CEP164: variants seen among roughly 807,000 people sequenced by gnomAD.
The protein encoded by CEP164 is centrosomal protein 164.
A neutral mutation model predicts 182.7 loss-of-function variants in CEP164; 162 were observed. The observed-to-expected ratio is 0.89, with a 90% CI of 0.78 to 1.01. CEP164 has a LOEUF of 1.01. Among genes scored for constraint, CEP164 ranks in the 50% least tolerant of loss-of-function variants. The pLI is 0.00. For synonymous variants in CEP164, 661 were observed against 690.0 expected (o/e 0.96, Z 0.66); for missense variants, 1,735 against 1,790.4 (o/e 0.97, Z 0.56).
rs199648719 is a variant in CEP164 at position 117,409,865 on chromosome 11, C to G, written c.3996C>G (p.Thr1332=). 6.2e-7 allele frequency: 1 copy of G among 1,613,860 alleles called. No homozygotes were observed. The highest frequency in any genetic ancestry group is 1.1e-5 in the South Asian group (1 of 91,038). Residue 1332 remains threonine, a synonymous_variant, in exon 30 of 33, where the codon ACC becomes ACG. Transcript: ENST00000278935. This position sits in a 1 kb window ranked among gnomAD's most constrained non-coding sequence, Gnocchi z 4.4. ...TATCATCTGCTACACCCACGTCCAC[C>G]CAATGGGCCTGGGATTCAGGGCAGG... ...SALSSATPTS[T]QWAWDSGQGP... is the part of the protein sequence containing the mutation.
Position 117,382,597 on chromosome 11 carries a change from G to A in CEP164, c.1578-199G>A, listed in dbSNP as rs1009634031. The A allele has an allele frequency of 2.5e-5, 15 of 601,696 alleles. No individual in the cohort carries two copies. In the African/African-American group the frequency reaches 2.6e-4, roughly 10 times the overall value. 37.3% of individuals were successfully genotyped at this position (601,696 alleles called of 1,614,324 possible). ...CATAACCATCTTGCTTCCATTGTGA[G>A]GCAGGAGTCTCTAGTCTTTGATGCA... is the stretch of plus-strand genomic sequence containing the variant. On this transcript the variant is annotated intron_variant, in intron 13 of 32. Transcript: ENST00000278935.
At position 117,363,542 on chromosome 11, in the gene CEP164, C is replaced by T. The variant is rs753611495; in HGVS notation, c.765+36C>T. ...TAATCCCTACAGGCACATGTGTCAG[C>T]CTGGCATATCCCTCCTGTTTTTATT... On this transcript the variant is annotated intron_variant, in intron 8 of 32. Coordinates refer to ENST00000278935, the MANE Select transcript of CEP164 (RefSeq NM_014956.5). 17 of 1,421,108 alleles carry T rather than the reference C, an allele frequency of 1.2e-5. No homozygotes were observed. The Middle Eastern group carries it at 5.3e-4, about 44-fold the overall frequency. 88.0% of individuals were successfully genotyped at this position (1,421,108 alleles called of 1,614,324 possible).
chr11:117,388,834 C>A (rs192016342), intron 15 of CEP164, among the ~76,000 whole-genome samples: 3 of 151,326 alleles, frequency 2.0e-5, no homozygotes, highest in Admixed American at 2.0e-4. Flanking sequence ...GTGGCTTACT[C>A]GGCTCACTGC....
Position 117,373,781 on chromosome 11 carries a change from C to A in CEP164, c.1183C>A (p.Pro395Thr). 3 of 1,614,194 alleles carry A rather than the reference C, an allele frequency of 1.9e-6. No homozygotes were observed. Among genetic ancestry groups the A allele is most frequent in the Non-Finnish European group, 2.5e-6 (3 of 1,180,030 alleles). The change falls in exon 10 of 33, where the codon CCA becomes ACA. Residue 395 changes from proline to threonine, a missense_variant. Transcript: ENST00000278935. ...ELEISEHMKE[P>T]QLSDSIASDP... ...GGAAATTAGTGAACACATGAAGGAA[C>A]CACAGCTCTCAGACTCCATAGCTTC... is the stretch of plus-strand genomic sequence containing the variant.
intron 11 of CEP164, among the ~76,000 whole-genome samples, chr11:117,380,123 C>T (rs1027909770): frequency 2.0e-5 from 3 of 151,932 alleles, no homozygotes; most frequent in Admixed American, 6.6e-5. Context: ...ACCAGGACTC[C>T]ATCTCTCCAG....
chr11:117,359,769 C>T (rs1293289988), intron 5 of CEP164, among the ~76,000 whole-genome samples: 1 of 152,104 alleles, frequency 6.6e-6, no homozygotes. Context: ...AATGTGAATC[C>T]CTGTGATGGT....
chr11:117,381,210 G>A (rs573034380), intron 12 of CEP164, among the ~76,000 whole-genome samples: 6 of 152,334 alleles, frequency 3.9e-5, no homozygotes, highest in South Asian at 2.1e-4. Flanking sequence ...CAGCTTCTCC[G>A]GCCTGAGCCC....
intron 2 of CEP164, chr11:117,336,713 C>G (rs1433946267): frequency 2.8e-6 from 2 of 721,848 alleles, no homozygotes; most frequent in Non-Finnish European, 4.9e-6. Flanking sequence ...AATGGCTGGG[C>G]CTTTCTGCTT....
intron 24 of CEP164, 86 bp downstream of exon 24, chr11:117,395,808 T>C (rs1328879811): frequency 7.6e-6 from 11 of 1,454,596 alleles, no homozygotes; most frequent in East Asian, 2.3e-5. Context: ...GCCCAGTTAA[T>C]AGGGAGAGGT....
chr11:117,379,032 G>A (rs114259644), intron 11 of CEP164, among the ~76,000 whole-genome samples: 82 of 152,322 alleles, frequency 5.4e-4, no homozygotes, highest in African/African-American at 1.9e-3. Flanking sequence ...GTGAGAGAGG[G>A]AGATATTTGA....
In CEP164 at chr11:117,362,514, GGAT is replaced by G. The variant is rs2041110502; in HGVS notation, c.666_668del (p.Asp222del). The G allele has an allele frequency of 1.2e-6, 2 of 1,613,472 alleles. No homozygotes were observed. Among genetic ancestry groups the G allele is most frequent in the African/African-American group, 2.7e-5 (2 of 74,904 alleles). ...GTTTAGGAGAAGAAACCAATGAGGA[GGAT>G]GAGGAGGAAAGTGACAACCAGGTAA... On this transcript the variant is annotated inframe_deletion, in exon 7 of 33. Transcript: ENST00000278935.
intron 6 of CEP164, 75 bp from the exon 7 acceptor site, chr11:117,362,329 T>C: frequency 2.0e-6 from 3 of 1,476,752 alleles, no homozygotes; most frequent in Middle Eastern, 2.1e-4. Context: ...ACATAGAGAG[T>C]GGGGAGGAGC....
intron 11 of CEP164, among the ~76,000 whole-genome samples, chr11:117,379,006 C>T (rs1268334204): frequency 6.6e-6 from 1 of 152,146 alleles, no homozygotes; most frequent in Non-Finnish European, 1.5e-5. Flanking sequence ...ATGGAGTGGG[C>T]CTGTCACCTC....
chr11:117,411,786 C>A lies in CEP164; in HGVS notation c.4164-9C>A. 1 of 1,614,082 alleles carries A rather than the reference C, an allele frequency of 6.2e-7. No individual in the cohort carries two copies. The highest frequency in any genetic ancestry group is 8.5e-7 in the Non-Finnish European group (1 of 1,179,990). On this transcript the variant is annotated splice_polypyrimidine_tract_variant and intron_variant, in intron 31 of 32. Transcript: ENST00000278935. This position sits in a 1 kb window ranked among gnomAD's most constrained non-coding sequence, Gnocchi z 4.4. ...TCTCCCCTCGCCATGCTCTCCTCTT[C>A]CTTCCCAGTGAGCAGCTCCGGCTCC... is the stretch of plus-strand genomic sequence containing the variant.
Position 117,411,441 on chromosome 11 carries a change from A to G in CEP164, c.4164-354A>G, listed in dbSNP as rs1307508636. On this transcript the variant is annotated intron_variant, in intron 31 of 32. Transcript: ENST00000278935. This position sits in a 1 kb window ranked among gnomAD's most constrained non-coding sequence, Gnocchi z 4.4. ...TCCCTCCCTTAGGCAGCTAACAGTG[A>G]GTACCCCCCACTAACCCTTTGGCCA... 1.4e-5 allele frequency: 4 copies of G among 293,546 alleles called. No homozygotes were observed. The highest frequency in any genetic ancestry group is 2.6e-5 in the Non-Finnish European group (4 of 154,188). 18.2% of individuals were successfully genotyped at this position (293,546 alleles called of 1,614,324 possible). A position where few individuals can be genotyped will look rare whatever the true frequency, so the allele number is the denominator to read the frequency against.
intron 5 of CEP164, chr11:117,355,261 G>A (rs1355026530): frequency 7.8e-7 from 1 of 1,289,728 alleles, no homozygotes; most frequent in African/African-American, 1.5e-5. Context: ...AGAAACTCCA[G>A]AAGGCGACAG....
Position 117,409,961 on chromosome 11 carries a change from T to C in CEP164, c.4092T>C (p.Phe1364=). Residue 1364 remains phenylalanine (F), a synonymous_variant, in exon 30 of 33, where the codon TTT becomes TTC. Coordinates refer to ENST00000278935, the MANE Select transcript of CEP164 (RefSeq NM_014956.5). This position sits in a 1 kb window ranked among gnomAD's most constrained non-coding sequence, Gnocchi z 4.4. ...TGTTGGAGAAGTGGCGCAAGTATTT[T>C]CCATGTAAGCCCCACTCTGGGCGGA... ...DFLLEKWRKY[F]PSGIPLLSNS... The C allele has an allele frequency of 6.2e-7, 1 of 1,614,072 alleles. No individual in the cohort carries two copies. The highest frequency in any genetic ancestry group is 2.2e-5 in the East Asian group (1 of 44,876).
At chr11:117,404,263 G>A (rs1175270701) in intron 27 of CEP164, among the ~76,000 whole-genome samples, 1 of 152,188 alleles carries the variant, frequency 6.6e-6, no homozygotes, top group African/African-American at 2.4e-5. Flanking sequence ...CAGCATTTTT[G>A]TGCTGGTTTT....
intron 4 of CEP164, among the ~76,000 whole-genome samples, chr11:117,348,089 C>T (rs1353408195): frequency 6.6e-6 from 1 of 152,052 alleles, no homozygotes. Context: ...CCCACCTCAG[C>T]TTCCCGAGTA....
Sources: gnomAD v4.1 joint callset for allele counts (sites outside exome capture counted in the v4.1 genomes callset) on GRCh38, gnomAD v4.1.1 for gene constraint, Gnocchi (gnomAD v3.1) non-coding constraint, MANE v1.5 for transcripts, NCBI Gene and HGNC (gene_info 2026-07-23, HGNC 2026-07-21) for gene names.